PDE1C: variants seen among roughly 807,000 people sequenced by gnomAD.
PDE1C encodes the protein phosphodiesterase 1C, also known as dual specificity calcium/calmodulin-dependent 3',5'-cyclic nucleotide phosphodiesterase 1C.
A neutral mutation model predicts 93.1 loss-of-function variants in PDE1C; 62 were observed. That is an observed-to-expected ratio of 0.67 (90% confidence interval 0.54 to 0.82). PDE1C has a LOEUF of 0.82. Among genes scored for constraint, PDE1C ranks in the 40% least tolerant of loss-of-function variants. The probability of loss-of-function intolerance (pLI) is 0.00; values close to 1 mark genes in which losing one functional copy is unlikely to be tolerated. For missense variants in PDE1C, 742 were observed against 884.6 expected (o/e 0.84, Z 2.04); for synonymous variants, 325 against 310.1 (o/e 1.05, Z -0.50).
intron 2 of PDE1C, among the ~76,000 whole-genome samples, chr7:32,026,841 A>C (rs1357446712): frequency 7.2e-5 from 11 of 152,182 alleles, no homozygotes; most frequent in Admixed American, 6.5e-4. Flanking sequence ...AAATTAAAAA[A>C]AAGAGAACAT....
chr7:31,958,155 G>A (rs562758904), intron 2 of PDE1C, among the ~76,000 whole-genome samples: 289 of 152,240 alleles, frequency 1.9e-3, no homozygotes, highest in Non-Finnish European at 3.3e-3. Flanking sequence ...TCATGCTAGT[G>A]CCAAGTTAAG....
the PDE1C span, among the ~76,000 whole-genome samples, chr7:31,695,195 C>A: frequency 6.6e-6 from 1 of 152,130 alleles, no homozygotes; most frequent in African/African-American, 2.4e-5. Flanking sequence ...CTTGCCGGAC[C>A]ATATTTTTTA....
chr7:31,670,342 G>T, the PDE1C span, among the ~76,000 whole-genome samples: 1 of 152,122 alleles, frequency 6.6e-6, no homozygotes, highest in Admixed American at 6.5e-5. Flanking sequence ...CTTTCAAATT[G>T]GAGTTGCTCA....
At chr7:31,857,493 T>G (rs1794165092) in intron 7 of PDE1C, among the ~76,000 whole-genome samples, 1 of 152,182 alleles carries the variant, frequency 6.6e-6, no homozygotes, top group Non-Finnish European at 1.5e-5. Context: ...CTGCCTTATC[T>G]TCTTACCTGG....
At chr7:32,213,474 A>G (rs1257749170) in intron 1 of PDE1C, among the ~76,000 whole-genome samples, 1 of 152,208 alleles carries the variant, frequency 6.6e-6, no homozygotes. Flanking sequence ...CTAAAATTCA[A>G]CAGATGCTAG....
Position 32,174,846 on chromosome 7 carries a change from T to C in PDE1C, c.137-4890A>G, listed in dbSNP as rs1056236773. On this transcript the variant is annotated intron_variant, in intron 2 of 18. Coordinates refer to the PDE1C transcript ENST00000396193. ...CTCGTAGGAAGAGCTCCTGAATCCA[T>C]AGGGTGCCATGCATTTAACTGTGGG... 2.0e-5 allele frequency among the ~76,000 whole-genome samples: 3 copies of C among 152,172 alleles called. No homozygotes were observed. In the East Asian group the frequency reaches 5.8e-4, roughly 29 times the overall value.
chr7:31,705,709 T>C, the PDE1C span, among the ~76,000 whole-genome samples: 1 of 152,074 alleles, frequency 6.6e-6, no homozygotes, highest in South Asian at 2.1e-4. Flanking sequence ...CTTTCTCAAG[T>C]GTAGATCTTT....
At chr7:31,790,854 A>G (rs746755396) in intron 16 of PDE1C, among the ~76,000 whole-genome samples, 16 of 152,114 alleles carry the variant, frequency 1.1e-4, no homozygotes, top group Non-Finnish European at 1.6e-4. Context: ...AATAGACAAT[A>G]TTGTATTTCT....
the PDE1C span, among the ~76,000 whole-genome samples, chr7:31,667,422 A>T: frequency 6.6e-6 from 1 of 152,200 alleles, no homozygotes; most frequent in African/African-American, 2.4e-5. Context: ...TTGCTTTGCT[A>T]ATTTGGATGA....
At chr7:32,186,478 A>G (rs1303139230) in intron 2 of PDE1C, among the ~76,000 whole-genome samples, 1 of 152,146 alleles carries the variant, frequency 6.6e-6, no homozygotes, top group Non-Finnish European at 1.5e-5. Flanking sequence ...GTCAACTTCT[A>G]AGAAGACAGC....
rs140101637 is a variant in PDE1C at position 31,898,020 on chromosome 7, TTGTGTGTGTGTGTGTGTGTG to T, written c.129-17180_129-17161del. On this transcript the variant is annotated intron_variant, in intron 2 of 17. Coordinates refer to ENST00000396191, the MANE Select transcript of PDE1C (RefSeq NM_001191057.4). Reference sequence around the variant, plus strand: ...TAAGTAACAGAAGGGTTTGGTTTCTTTGTGTGTGTGTGTGTGTGTGTGTGTGTGTGTGTGTGTGTGTTTAC... The same window carrying T: ...TAAGTAACAGAAGGGTTTGGTTTCTTTGTGTGTGTGTGTGTGTGTGTTTAC... 4.8e-3 allele frequency among the ~76,000 whole-genome samples: 699 copies of T among 146,048 alleles called. 9 individuals carry two copies. Among genetic ancestry groups the T allele is most frequent in the African/African-American group, 0.017 (647 of 38,998 alleles).
chr7:32,027,714 T>C (rs1789671415), intron 2 of PDE1C, among the ~76,000 whole-genome samples: 1 of 147,440 alleles, frequency 6.8e-6, no homozygotes, highest in Non-Finnish European at 1.5e-5. Context: ...TGAGCCTGAC[T>C]GTTATGAGCT....
chr7:32,139,918 T>TG (rs1800422615), intron 3 of PDE1C, among the ~76,000 whole-genome samples: 1 of 77,538 alleles, frequency 1.3e-5, no homozygotes, highest in African/African-American at 5.0e-5. Context: ...GTCTAAGGCC[T>TG]AACCATCATG....
At chr7:32,282,507 T>TAGATAGATAGATAGATAGATAGAC (rs1562647692) in intron 1 of PDE1C, among the ~76,000 whole-genome samples, 7 of 151,264 alleles carry the variant, frequency 4.6e-5, no homozygotes, top group Non-Finnish European at 4.4e-5. Flanking sequence ...GATAGATAGA[T>TAGATAGATAGATAGATAGATAGAC]AGATGGTCAA....
chr7:31,949,379 G>A (rs1366383873), intron 2 of PDE1C, among the ~76,000 whole-genome samples: 3 of 152,144 alleles, frequency 2.0e-5, no homozygotes, highest in Non-Finnish European at 4.4e-5. Context: ...AGAATCACTT[G>A]AACCTGGGAG....
chr7:32,211,772 G>C (rs895274564), intron 1 of PDE1C, among the ~76,000 whole-genome samples: 1 of 151,740 alleles, frequency 6.6e-6, no homozygotes, highest in Admixed American at 6.6e-5. Flanking sequence ...CTGTAATCCC[G>C]GCACTGTGGG....
chr7:32,007,211 C>T (rs1786391479), intron 2 of PDE1C, among the ~76,000 whole-genome samples: 1 of 152,194 alleles, frequency 6.6e-6, no homozygotes, highest in Non-Finnish European at 1.5e-5. Context: ...GAGTCCATTG[C>T]TTGCCATTTT....
the PDE1C span, among the ~76,000 whole-genome samples, chr7:31,633,899 C>A: frequency 6.6e-6 from 1 of 152,222 alleles, no homozygotes; most frequent in African/African-American, 2.4e-5. Flanking sequence ...TTTTCTCCCT[C>A]TTCCCATGTA....
chr7:31,934,148 A>G (rs1248193702), intron 2 of PDE1C, among the ~76,000 whole-genome samples: 1 of 152,158 alleles, frequency 6.6e-6, no homozygotes, highest in Non-Finnish European at 1.5e-5. Flanking sequence ...ATATCCTTGT[A>G]CCTTCTGGTG....
Sources: gnomAD v4.1 joint callset for allele counts (sites outside exome capture counted in the v4.1 genomes callset) on GRCh38, gnomAD v4.1.1 for gene constraint, MANE v1.5 for transcripts, NCBI Gene and HGNC (gene_info 2026-07-23, HGNC 2026-07-21) for gene names.